NSD3: variants seen among roughly 807,000 people sequenced by gnomAD.
NSD3 encodes nuclear receptor binding SET domain protein 3.
A neutral mutation model predicts 160.8 loss-of-function variants in NSD3; 24 were observed. The ratio of observed to expected loss-of-function variants is 0.15; its 90% CI spans 0.11 to 0.21. The LOEUF (loss-of-function observed/expected upper bound fraction) is 0.21, where lower values mean the gene tolerates loss of function less well. Among genes scored for constraint, NSD3 ranks in the 10% least tolerant of loss-of-function variants. The probability of loss-of-function intolerance (pLI) is 1.00; values close to 1 mark genes in which losing one functional copy is unlikely to be tolerated. For synonymous variants in NSD3, 520 were observed against 600.0 expected, an observed-to-expected ratio of 0.87 and a Z score of 1.95; for missense variants, 1,157 against 1,735.9, an observed-to-expected ratio of 0.67 and a Z score of 5.93.
rs1003835408 is a variant in NSD3, at chr8:38,289,402, T to C, written c.3222A>G (p.Lys1074=). The C allele has an allele frequency of 1.1e-5, 18 of 1,612,858 alleles. No individual in the cohort carries two copies. In the Admixed American group the frequency reaches 2.7e-4, roughly 24 times the overall value. The change falls in exon 18 of 24, where the codon AAA becomes AAG. Residue 1074 remains lysine, a synonymous_variant. Transcript: ENST00000317025. The stretch of plus-strand genomic sequence containing the variant: ...AGAGATAAAGACTTACTTTGATGTG[T>C]TTGTAGGGAGGGGGTTTTCTTGAGT... ...EKNSRKPPPY[K]HIKANKVIGK...
At chr8:38,296,800 C>T (rs535387371) in intron 15 of NSD3, among the ~76,000 whole-genome samples, 28 of 151,936 alleles carry the variant, frequency 1.8e-4, no homozygotes, top group African/African-American at 5.5e-4. Context: ...TGGTCTTGAA[C>T]TCCTGGCCTC....
chr8:38,274,867 A>C lies in NSD3; in HGVS notation c.*774T>G, dbSNP rs1309229934. 5.5e-6 allele frequency: 1 copy of C among 180,354 alleles called. No individual in the cohort carries two copies. Among genetic ancestry groups the C allele is most frequent in the Non-Finnish European group, 1.2e-5 (1 of 84,338 alleles). 11.2% of individuals were successfully genotyped at this position (180,354 alleles called of 1,614,324 possible). Reference sequence around the variant, plus strand: ...ACGCACTTCATCCAAAACCCAAACCATCCATGTCAATGGAAAACGTTTTAA... The same window carrying C: ...ACGCACTTCATCCAAAACCCAAACCCTCCATGTCAATGGAAAACGTTTTAA... On this transcript the variant is annotated 3_prime_UTR_variant, in exon 24 of 24. Coordinates refer to ENST00000317025, the MANE Select transcript of NSD3 (RefSeq NM_023034.2).
At chr8:38,279,519 G>C in intron 21 of NSD3, 21 bp downstream of exon 21, 1 of 1,611,308 alleles carries the variant, frequency 6.2e-7, no homozygotes, top group Non-Finnish European at 8.5e-7. Flanking sequence ...GGAAAGCATG[G>C]GGAACGAGTC....
At chr8:38,354,054 T>G (rs905918252) in intron 1 of NSD3, among the ~76,000 whole-genome samples, 1 of 152,250 alleles carries the variant, frequency 6.6e-6, no homozygotes, top group Non-Finnish European at 1.5e-5. Context: ...CAGTCTGTCA[T>G]TGCTTCCACC....
intron 17 of NSD3, among the ~76,000 whole-genome samples, chr8:38,290,252 T>TATAG (rs1204834125): frequency 5.9e-5 from 9 of 152,064 alleles, no homozygotes; most frequent in Admixed American, 1.3e-4. Flanking sequence ...AATCTGTGTT[T>TATAG]ATAGAAAGAC....
In NSD3 at chr8:38,329,639, G is replaced by A. The variant is rs776358853; in HGVS notation, c.1320C>T (p.Ser440=). Reference sequence around the variant, plus strand: ...TCCGAATTTCAGTACTTGAGAGTGAGGAGGCCACCTCCCCTGCATTGGTCT... The same window carrying A: ...TCCGAATTTCAGTACTTGAGAGTGAAGAGGCCACCTCCCCTGCATTGGTCT... ...PEQTNAGEVA[S]SLSSTEIRRH... is the part of the protein sequence containing the mutation. The change falls in exon 6 of 24, where the codon TCC becomes TCT. Residue 440 remains serine (S), a synonymous_variant. Transcript: ENST00000317025. This position sits in a 1 kb window ranked among gnomAD's most constrained non-coding sequence, Gnocchi z 4.8. 8 of 1,614,246 alleles carry A rather than the reference G, an allele frequency of 5.0e-6. No homozygotes were observed. The highest frequency in any genetic ancestry group is 5.9e-6 in the Non-Finnish European group (7 of 1,180,050).
At chr8:38,285,560 A>G (rs893991656) in intron 19 of NSD3, among the ~76,000 whole-genome samples, 4 of 152,244 alleles carry the variant, frequency 2.6e-5, no homozygotes, top group African/African-American at 7.2e-5. Flanking sequence ...AGACTGTTTA[A>G]TAAGTTATCT....
chr8:38,291,595 A>G (rs920076554), intron 16 of NSD3, among the ~76,000 whole-genome samples: 1 of 152,266 alleles, frequency 6.6e-6, no homozygotes, highest in Non-Finnish European at 1.5e-5. Flanking sequence ...CTGTTCATCT[A>G]AGAATTGAAA....
chr8:38,355,110 C>T (rs548823774), intron 1 of NSD3, among the ~76,000 whole-genome samples: 28 of 152,122 alleles, frequency 1.8e-4, no homozygotes, highest in Non-Finnish European at 3.7e-4. Context: ...TTAGGGGGCT[C>T]TACTGAGCAC....
chr8:38,345,731 C>A (rs1810504088), intron 2 of NSD3, among the ~76,000 whole-genome samples: 2 of 151,482 alleles, frequency 1.3e-5, no homozygotes, highest in Admixed American at 1.3e-4. Context: ...ACTAACATGA[C>A]CCTGTCTCTA....
In NSD3 at chr8:38,328,251, G is replaced by T. The variant is rs566763478; in HGVS notation, c.1581+1127C>A. Among the ~76,000 whole-genome samples the T allele has an allele frequency of 1.8e-4, 27 of 152,214 alleles. No homozygotes were observed. In the South Asian group the frequency reaches 5.2e-3, roughly 29 times the overall value. On this transcript the variant is annotated intron_variant, in intron 6 of 23. Coordinates refer to ENST00000317025, the MANE Select transcript of NSD3 (RefSeq NM_023034.2). ...ATTTTTAGAGTCTTCATTTTGAAAA[G>T]ATCAGTTTTATCTTGAATTTCCTTT...
chr8:38,306,999 C>T (rs1184468400), intron 12 of NSD3, among the ~76,000 whole-genome samples: 1 of 151,328 alleles, frequency 6.6e-6, no homozygotes, highest in Admixed American at 6.6e-5. Flanking sequence ...CCTGTAGTCG[C>T]AGCTACTCGG....
Position 38,318,876 on chromosome 8 carries a change from CA to C in NSD3, c.1855+18del. The C allele has an allele frequency of 1.2e-6, 2 of 1,605,122 alleles. No homozygotes were observed. The highest frequency in any genetic ancestry group is 1.7e-6 in the Non-Finnish European group (2 of 1,176,400). Reference sequence around the variant, plus strand: ...TTTTAATCAAGGAAATGCAAAGCAACATTATAATATTAACTCACCTTTCTGT... The same window carrying C: ...TTTTAATCAAGGAAATGCAAAGCAACTTATAATATTAACTCACCTTTCTGT... On this transcript the variant is annotated intron_variant, in intron 9 of 23. Coordinates refer to ENST00000317025, the MANE Select transcript of NSD3 (RefSeq NM_023034.2). The surrounding 1 kb of genome is among the most constrained non-coding windows in gnomAD (Gnocchi z 5.3).
Position 38,290,523 on chromosome 8 carries a change from T to C in NSD3, c.3070A>G (p.Lys1024Glu). ...GRVFPYVEGDKSFAEGQTSIN... is the reference protein window; with the variant it reads ...GRVFPYVEGDESFAEGQTSIN... The stretch of plus-strand genomic sequence containing the variant: ...CTAGTCTGCCCTTCAGCAAAGCTTT[T>C]GTCTCCTTCAACATAAGGGAACACT... Residue 1024 changes from lysine (K) to glutamate (E), a missense_variant, in exon 17 of 24, where the codon AAA becomes GAA. Coordinates refer to ENST00000317025, the MANE Select transcript of NSD3 (RefSeq NM_023034.2). The C allele has an allele frequency of 6.2e-7, 1 of 1,614,180 alleles. No individual in the cohort carries two copies. Among genetic ancestry groups the C allele is most frequent in the African/African-American group, 1.3e-5 (1 of 75,048 alleles).
At chr8:38,301,354 G>A (rs1028935606) in intron 14 of NSD3, among the ~76,000 whole-genome samples, 2 of 152,220 alleles carry the variant, frequency 1.3e-5, no homozygotes, top group Admixed American at 1.3e-4. Context: ...GAGACAGGCG[G>A]ATCAGCTGAG....
chr8:38,295,343 C>G (rs570188358), intron 16 of NSD3, among the ~76,000 whole-genome samples: 2 of 152,080 alleles, frequency 1.3e-5, no homozygotes, highest in African/African-American at 2.4e-5. Context: ...GGGCAGATTG[C>G]TTGACTCATG....
chr8:38,361,152 C>T (rs924342324), intron 1 of NSD3, among the ~76,000 whole-genome samples: 1 of 152,236 alleles, frequency 6.6e-6, no homozygotes, highest in African/African-American at 2.4e-5. Flanking sequence ...CGCCACCAAG[C>T]CCAGCTAATT....
At chr8:38,300,901 G>A (rs976539703) in intron 14 of NSD3, among the ~76,000 whole-genome samples, 4 of 152,168 alleles carry the variant, frequency 2.6e-5, no homozygotes, top group Non-Finnish European at 5.9e-5. Context: ...ACACTGAGAC[G>A]AATTCAAGAA....
In NSD3 at chr8:38,318,993, T is replaced by C; in HGVS notation, c.1810-53A>G. 3 of 1,463,974 alleles carry C rather than the reference T, an allele frequency of 2.0e-6. No homozygotes were observed. Among genetic ancestry groups the C allele is most frequent in the Non-Finnish European group, 2.8e-6 (3 of 1,062,406 alleles). The allele number at this position is 1,463,974 out of a possible 1,614,324, so 90.7% of individuals were successfully genotyped here. A position where few individuals can be genotyped will look rare whatever the true frequency, so the allele number is the denominator to read the frequency against. ...ACAAAGAATTTTTTTCCCTTTTAAT[T>C]ATTAACAGAGGGAAAAGATACTTTC... On this transcript the variant is annotated intron_variant, in intron 8 of 23. Coordinates refer to ENST00000317025, the MANE Select transcript of NSD3 (RefSeq NM_023034.2). The surrounding 1 kb of genome is among the most constrained non-coding windows in gnomAD (Gnocchi z 5.3).
Sources: gnomAD v4.1 joint callset for allele counts (sites outside exome capture counted in the v4.1 genomes callset) on GRCh38, gnomAD v4.1.1 for gene constraint, Gnocchi (gnomAD v3.1) non-coding constraint, MANE v1.5 for transcripts, NCBI Gene and HGNC (gene_info 2026-07-23, HGNC 2026-07-21) for gene names.